Variants in PSTPIP1 observed in about 807,000 individuals in gnomAD.
PSTPIP1 encodes proline-serine-threonine phosphatase-interacting protein 1.
A neutral mutation model predicts 69.6 loss-of-function variants in PSTPIP1; 66 were observed. The ratio of observed to expected loss-of-function variants is 0.95; its 90% CI spans 0.78 to 1.16. PSTPIP1 has a LOEUF of 1.16. PSTPIP1 is among the 50% of genes most tolerant of loss of function. The probability of loss-of-function intolerance (pLI) is 0.00; values close to 1 mark genes in which losing one functional copy is unlikely to be tolerated. For synonymous variants in PSTPIP1, 266 were observed against 222.7 expected (o/e 1.19, Z -1.73); for missense variants, 603 against 557.4 (o/e 1.08, Z -0.82).
In PSTPIP1 at chr15:77,035,802, C is replaced by T. The variant is rs369498554; in HGVS notation, c.986C>T (p.Ala329Val). 156 of 1,605,706 alleles carry T rather than the reference C, an allele frequency of 9.7e-5. No homozygotes were observed. Among genetic ancestry groups the T allele is most frequent in the East Asian group, 5.6e-4 (25 of 44,856 alleles). ...PKTTSLAASA[A>V]STETLTPTPE... ...GGTCTATGTCTCACCCTGCTCTTAG[C>T]GTCCACAGAGACCCTGACCCCCACC... Residue 329 changes from alanine (A) to valine (V), a missense_variant and splice_region_variant, in exon 14 of 15, where the codon GCG becomes GTG. Coordinates refer to ENST00000558012, the MANE Select transcript of PSTPIP1 (RefSeq NM_003978.5).
At chr15:77,008,846 T>A (rs892230493) in intron 1 of PSTPIP1, among the ~76,000 whole-genome samples, 11 of 151,916 alleles carry the variant, frequency 7.2e-5, no homozygotes, top group Non-Finnish European at 1.5e-4. Flanking sequence ...TAGAGTCGTG[T>A]TTCTCCACCA....
In PSTPIP1 at chr15:77,025,530, C is replaced by T. The variant is rs142171021; in HGVS notation, c.280C>T (p.Leu94=). Reference sequence around the variant, plus strand: ...GAATGTGGGCAGCTCACACATCCAGCTGGCCCTGACCCTGCGTGAGGAGCT... The same window carrying T: ...GAATGTGGGCAGCTCACACATCCAGTTGGCCCTGACCCTGCGTGAGGAGCT... ...MENVGSSHIQ[L]ALTLREELRS... Residue 94 remains leucine, a synonymous_variant, in exon 5 of 15, where the codon CTG becomes TTG. Transcript: ENST00000558012. The T allele has an allele frequency of 5.8e-6, 9 of 1,555,904 alleles. No individual in the cohort carries two copies. The highest frequency in any genetic ancestry group is 5.5e-5 in the African/African-American group (4 of 73,356).
intron 5 of PSTPIP1, chr15:77,026,314 G>C (rs1409635616): frequency 1.7e-5 from 7 of 418,994 alleles, no homozygotes; most frequent in Non-Finnish European, 2.9e-5. Context: ...GAGCCTCTCA[G>C]GGCCTTAGTG....
intron 10 of PSTPIP1, 23 bp from the exon 11 acceptor site, chr15:77,032,275 G>C (rs1200300146): frequency 1.2e-6 from 2 of 1,610,210 alleles, no homozygotes; most frequent in African/African-American, 1.3e-5. Flanking sequence ...TCGGGCTGCG[G>C]CCTCTGCTCT....
intron 3 of PSTPIP1, 60 bp downstream of exon 3, chr15:77,018,591 T>G: frequency 6.8e-7 from 1 of 1,479,414 alleles, no homozygotes; most frequent in South Asian, 1.3e-5. Context: ...TCTGGGCCTT[T>G]AGATGAGGTT....
chr15:77,011,727 A>G (rs1438999379), intron 1 of PSTPIP1, among the ~76,000 whole-genome samples: 1 of 152,080 alleles, frequency 6.6e-6, no homozygotes, highest in Non-Finnish European at 1.5e-5. Context: ...CCTAGACACC[A>G]AGTCCCTAGT....
intron 12 of PSTPIP1, among the ~76,000 whole-genome samples, chr15:77,035,144 C>A (rs1457585597): frequency 6.6e-6 from 1 of 152,218 alleles, no homozygotes; most frequent in Non-Finnish European, 1.5e-5. Flanking sequence ...CATCTTCCCA[C>A]GAGGCCTCAG....
intron 12 of PSTPIP1, among the ~76,000 whole-genome samples, chr15:77,034,317 G>A (rs945694413): frequency 1.1e-4 from 17 of 152,270 alleles, no homozygotes; most frequent in African/African-American, 4.1e-4. Flanking sequence ...TGCTGCCTGG[G>A]GAGCTGGCAC....
At chr15:77,026,396 G>A (rs936515982) in intron 5 of PSTPIP1, among the ~76,000 whole-genome samples, 10 of 152,176 alleles carry the variant, frequency 6.6e-5, no homozygotes, top group South Asian at 2.1e-4. Context: ...AGGAAGGATC[G>A]TTGTGAAGTG....
chr15:77,013,131 C>G (rs887450958), intron 1 of PSTPIP1, among the ~76,000 whole-genome samples: 6 of 152,198 alleles, frequency 3.9e-5, no homozygotes, highest in African/African-American at 1.4e-4. Flanking sequence ...GAGGAGAGCA[C>G]CCCAGCACCA....
At chr15:77,028,752 TG>T (rs1323510726) in intron 7 of PSTPIP1, 100 bp downstream of exon 7, 2 of 1,030,230 alleles carry the variant, frequency 1.9e-6, no homozygotes, top group Non-Finnish European at 2.7e-6. Flanking sequence ...GATCTGCATC[TG>T]GGGATGCTGC....
chr15:77,027,777 G>A lies in PSTPIP1; in HGVS notation c.355-75G>A, dbSNP rs1012721858. The A allele has an allele frequency of 6.6e-6, 10 of 1,526,400 alleles. No homozygotes were observed. In the African/African-American group the frequency reaches 1.1e-4, roughly 17 times the overall value. The allele number at this position is 1,526,400 out of a possible 1,614,324, so 94.6% of individuals were successfully genotyped here. A position where few individuals can be genotyped will look rare whatever the true frequency, so the allele number is the denominator to read the frequency against. On this transcript the variant is annotated intron_variant, in intron 5 of 14. Transcript: ENST00000558012. This position sits in a 1 kb window ranked among gnomAD's most constrained non-coding sequence, Gnocchi z 4.3. ...GAGAGGTGCTGCGCCTCATCCCAGGGACACTCCGTCCTCTTGGCCTAGGGG... is the reference window on the plus strand; with the variant it reads ...GAGAGGTGCTGCGCCTCATCCCAGGAACACTCCGTCCTCTTGGCCTAGGGG...
At chr15:77,031,812 G>A (rs903047476) in intron 10 of PSTPIP1, 2 of 176,206 alleles carry the variant, frequency 1.1e-5, no homozygotes, top group South Asian at 2.4e-4. Flanking sequence ...GCTCTCCCGG[G>A]CAGCCCTGGC....
In PSTPIP1 at chr15:77,035,416, GCT is replaced by G; in HGVS notation, c.930-89_930-88del. The G allele has an allele frequency of 2.9e-6, 4 of 1,356,540 alleles. No individual in the cohort carries two copies. In the Admixed American group the frequency reaches 5.9e-5, roughly 20 times the overall value. 84.0% of individuals were successfully genotyped at this position (1,356,540 alleles called of 1,614,324 possible). A position where few individuals can be genotyped will look rare whatever the true frequency, so the allele number is the denominator to read the frequency against. ...TCCCAGCCCTGGCAGAGCGCGTGCA[GCT>G]CTGAGACCTCTCCCTGTCTAAACCC... On this transcript the variant is annotated intron_variant, in intron 12 of 14. Transcript: ENST00000558012.
At chr15:76,999,730 CG>C (rs898932782) in intron 1 of PSTPIP1, 1 of 152,214 alleles carries the variant, frequency 6.6e-6, no homozygotes, top group Non-Finnish European at 1.5e-5. Context: ...AGTTCAGTGC[CG>C]GGGCTGGAGG....
chr15:77,030,871 T>C (rs779613545), intron 9 of PSTPIP1, among the ~76,000 whole-genome samples: 2 of 152,204 alleles, frequency 1.3e-5, no homozygotes, highest in Admixed American at 6.5e-5. Flanking sequence ...GTGCTGCCGA[T>C]GGACAGGGCC....
intron 1 of PSTPIP1, among the ~76,000 whole-genome samples, chr15:77,002,681 G>A (rs761587791): frequency 2.0e-5 from 3 of 152,216 alleles, no homozygotes; most frequent in Admixed American, 6.5e-5. Context: ...TTGCTTTTGC[G>A]ATGCCTGCAG....
At chr15:77,018,412 G>C (rs370991369) in intron 2 of PSTPIP1, 45 bp from the exon 3 acceptor site, 1 of 1,552,982 alleles carries the variant, frequency 6.4e-7, no homozygotes. Flanking sequence ...CTCCCCCAGA[G>C]GTGGCAAGTC....
Position 77,032,439 on chromosome 15 carries a change from C to G in PSTPIP1, c.838+45C>G, listed in dbSNP as rs116895455. 4,748 of 1,594,880 alleles carry G rather than the reference C, an allele frequency of 3.0e-3. 215 individuals are homozygous for G. The East Asian group carries it at 0.089, about 30-fold the overall frequency. On this transcript the variant is annotated intron_variant, in intron 11 of 14. Transcript: ENST00000558012. ...CAGCGCAGCCTCTAGGTGCATTGAG[C>G]CCCTGGGAAGGCCCGGCCCTGAGCC...
Sources: allele counts gnomAD v4.1 joint callset (sites outside exome capture counted in the v4.1 genomes callset), GRCh38; gene constraint gnomAD v4.1.1; non-coding constraint Gnocchi (gnomAD v3.1); transcripts MANE v1.5; gene names NCBI Gene and HGNC (gene_info 2026-07-23, HGNC 2026-07-21).